The following FAM153A variants were observed in gnomAD, a reference collection of about 807,000 sequenced individuals.
FAM153A encodes the protein family with sequence similarity 153 member A, also known as protein FAM153A.
A neutral mutation model predicts 48.1 loss-of-function variants in FAM153A; 12 were observed. The observed-to-expected ratio is 0.25, with a 90% CI of 0.16 to 0.40. The LOEUF (loss-of-function observed/expected upper bound fraction) is 0.40, where lower values mean the gene tolerates loss of function less well. Ranked by LOEUF, FAM153A falls within the 10% of genes least tolerant of loss-of-function variation. The pLI, the probability that FAM153A is intolerant of heterozygous loss-of-function variation, is 1.00. For missense variants in FAM153A, 111 were observed against 345.8 expected (o/e 0.32, Z 5.38); for synonymous variants, 36 against 118.2 (o/e 0.30, Z 4.51).
chr5:177,725,591 G>A (rs1270066793), intron 18 of FAM153A, among the ~76,000 whole-genome samples: 57 of 151,742 alleles, frequency 3.8e-4, no homozygotes, highest in African/African-American at 1.4e-3. Flanking sequence ...GTTTGCCTGA[G>A]CTGTGGGAAG....
intron 13 of FAM153A, 104 bp downstream of exon 15, chr5:177,734,759 T>C (rs553791328): frequency 1.9e-6 from 3 of 1,602,908 alleles, no homozygotes; most frequent in Admixed American, 1.7e-5. Context: ...GGACACTGTG[T>C]AACTAAGATA....
intron 1 of FAM153A, among the ~76,000 whole-genome samples, chr5:177,772,978 G>A (rs1247171562): frequency 2.7e-5 from 1 of 37,694 alleles, no homozygotes; most frequent in Non-Finnish European, 6.3e-5. Context: ...CTAACTGGGA[G>A]GCACCCCCCA....
chr5:177,754,443 C>T (rs565095629), upstream of FAM153A, among the ~76,000 whole-genome samples: 1 of 151,950 alleles, frequency 6.6e-6, no homozygotes, highest in African/African-American at 2.4e-5. Context: ...CAGCAGAAAC[C>T]TCTGCAGACT....
the FAM153A span, among the ~76,000 whole-genome samples, chr5:177,700,725 C>A: frequency 2.0e-5 from 3 of 151,768 alleles, no homozygotes; most frequent in African/African-American, 7.3e-5. Flanking sequence ...TCACTTGAAC[C>A]CAGGAGGCGG....
At chr5:177,752,618 CAA>C (rs71274705) in intron 1 of FAM153A, among the ~76,000 whole-genome samples, 60 of 30,974 alleles carry the variant, frequency 1.9e-3, no homozygotes, top group African/African-American at 6.2e-3. Flanking sequence ...GAGACTCTGC[CAA>C]AAAAAAAAAA....
downstream of FAM153A, chr5:177,718,724 G>T (rs1169249680): frequency 5.2e-5 from 7 of 134,858 alleles, no homozygotes; most frequent in Non-Finnish European, 1.0e-4. Context: ...AATAAAACAG[G>T]CTCTAAGGTA....
chr5:177,705,815 A>G (rs1400263240), downstream of FAM153A, among the ~76,000 whole-genome samples: 1 of 151,012 alleles, frequency 6.6e-6, no homozygotes, highest in Non-Finnish European at 1.5e-5. Context: ...GCACACCACC[A>G]TGCCCAGCTA....
intron 1 of FAM153A, among the ~76,000 whole-genome samples, chr5:177,752,618 C>CA (rs71274705): frequency 0.34 from 10,873 of 31,722 alleles, 1,183 homozygotes; most frequent in African/African-American, 0.38. Context: ...GAGACTCTGC[C>CA]AAAAAAAAAA....
At chr5:177,756,828 T>C (rs1455551473), upstream of FAM153A, among the ~76,000 whole-genome samples, 4 of 131,454 alleles carry the variant, frequency 3.0e-5, no homozygotes, top group African/African-American at 1.1e-4. Flanking sequence ...CTGGGACACA[T>C]TTAAAGCAGT....
downstream of FAM153A, among the ~76,000 whole-genome samples, chr5:177,709,360 A>AT (rs70994932): frequency 0.13 from 16,242 of 124,294 alleles, 1,348 homozygotes; most frequent in East Asian, 0.33. Context: ...TGTAATTAGG[A>AT]TTTTTTTTTT....
At chr5:177,778,903 G>T (rs1769436856) in intron 1 of FAM153A, among the ~76,000 whole-genome samples, 1 of 119,628 alleles carries the variant, frequency 8.4e-6, no homozygotes. Context: ...CTTGAGCCCA[G>T]AAGTTCCAGG....
chr5:177,738,300 G>C (rs1765010375), intron 10 of FAM153A, among the ~76,000 whole-genome samples: 2 of 151,300 alleles, frequency 1.3e-5, no homozygotes, highest in South Asian at 2.1e-4. Context: ...TTCTGCTTTG[G>C]ATCAGGAGAT....
exon 1 of FAM153A, chr5:177,753,189 A>G (rs1767269405): frequency 6.2e-7 from 1 of 1,611,780 alleles, no homozygotes; most frequent in Non-Finnish European, 8.5e-7. Flanking sequence ...CAAGGCAACA[A>G]CTATAAACAC....
intron 1 of FAM153A, among the ~76,000 whole-genome samples, chr5:177,763,911 AG>A (rs1359629641): frequency 6.6e-6 from 1 of 151,594 alleles, no homozygotes. Context: ...GGGCCCTCTA[AG>A]GATAGCTTGG....
At position 177,744,780 on chromosome 5, in the gene FAM153A, T is replaced by C. The variant is rs939471259; in HGVS notation, c.339+108A>G. ...CACTTACAATTCCCCCCAAGGACAC[T>C]GTGTAACTAAGATACATATTGTCAG... is the stretch of plus-strand genomic sequence containing the variant. On this transcript the variant is annotated intron_variant, in intron 5 of 20. Transcript: ENST00000614127. The C allele has an allele frequency of 4.7e-5, 26 of 557,726 alleles. 6 individuals are homozygous for C. The Middle Eastern group carries it at 1.8e-3, about 38-fold the overall frequency. The allele number at this position is 557,726 out of a possible 1,614,324, so 34.5% of individuals were successfully genotyped here.
At chr5:177,746,555 A>G (rs2127674916) in intron 4 of FAM153A, among the ~76,000 whole-genome samples, 1 of 151,682 alleles carries the variant, frequency 6.6e-6, no homozygotes, top group African/African-American at 2.4e-5. Flanking sequence ...TTTGTTTCAA[A>G]GAAGACTAAA....
the FAM153A span, among the ~76,000 whole-genome samples, chr5:177,698,577 C>T: frequency 1.5e-4 from 23 of 151,616 alleles, no homozygotes; most frequent in African/African-American, 2.4e-4. Context: ...TTTTTTTTAT[C>T]GTAAGTTTAA....
At chr5:177,717,457 A>G (rs577323753), downstream of FAM153A, among the ~76,000 whole-genome samples, 14 of 151,128 alleles carry the variant, frequency 9.3e-5, 1 homozygote, top group South Asian at 2.1e-3. Flanking sequence ...GGTGTAATCA[A>G]TGTTTCCAAG....
At chr5:177,709,124 AAAAAAAAAG>A (rs2127547337), downstream of FAM153A, among the ~76,000 whole-genome samples, 1 of 139,576 alleles carries the variant, frequency 7.2e-6, no homozygotes, top group African/African-American at 2.9e-5. Context: ...AAAAAAAAAA[AAAAAAAAAG>A]AAAGAAAAGC....
Sources: gnomAD v4.1 joint callset for allele counts (sites outside exome capture counted in the v4.1 genomes callset) on GRCh38, gnomAD v4.1.1 for gene constraint, MANE v1.5 for transcripts, NCBI Gene and HGNC (gene_info 2026-07-23, HGNC 2026-07-21) for gene names.